Variants in PALLD observed in about 807,000 individuals in gnomAD.
The protein encoded by PALLD is palladin, cytoskeletal associated protein.
PALLD carries 61 observed loss-of-function variants against 123.5 expected under a neutral mutation model. That is an observed-to-expected ratio of 0.49 (90% CI 0.40 to 0.61). The LOEUF (loss-of-function observed/expected upper bound fraction) is 0.61. Ranked by LOEUF, PALLD falls within the 20% of genes least tolerant of loss-of-function variation. The probability of loss-of-function intolerance (pLI) is 0.00; values close to 1 mark genes in which losing one functional copy is unlikely to be tolerated. For synonymous variants in PALLD, 465 were observed against 496.4 expected (o/e 0.94, Z 0.84); for missense variants, 1,273 against 1,377.0 (o/e 0.92, Z 1.20).
intron 10 of PALLD, among the ~76,000 whole-genome samples, chr4:168,715,916 C>CA (rs1554070329): frequency 5.3e-5 from 8 of 151,816 alleles, no homozygotes; most frequent in African/African-American, 1.9e-4. Flanking sequence ...CGCCACTGCC[C>CA]TCCACCCTGG....
chr4:168,720,373 T>C (rs1269108922), intron 10 of PALLD, among the ~76,000 whole-genome samples: 1 of 152,240 alleles, frequency 6.6e-6, no homozygotes, highest in Non-Finnish European at 1.5e-5. Context: ...TCTGGTTAAG[T>C]GATTTTCATT....
intron 2 of PALLD, among the ~76,000 whole-genome samples, chr4:168,545,174 A>G (rs537778390): frequency 2.6e-5 from 4 of 152,266 alleles, no homozygotes; most frequent in Admixed American, 6.5e-5. Context: ...CTTACTTAGT[A>G]TCTCTCTAAA....
rs368056503 is a variant in PALLD at position 168,863,914 on chromosome 4, T to C, written c.1965-27008T>C. The C allele has an allele frequency of 2.6e-5, 4 of 152,334 alleles. No individual in the cohort carries two copies. In the East Asian group the frequency reaches 5.8e-4, roughly 22 times the overall value. The allele number at this position is 152,334 out of a possible 1,614,324, so 9.4% of individuals were successfully genotyped here. On this transcript the variant is annotated intron_variant, in intron 10 of 21. Coordinates refer to ENST00000505667, the MANE Select transcript of PALLD (RefSeq NM_001166108.2). ...TTTCCTGGTATGAACTCCTTGTGCT[T>C]CTGAGATTAGAGATACGCTTTTCTT...
chr4:168,538,368 T>A (rs1264847976), intron 2 of PALLD, among the ~76,000 whole-genome samples: 1 of 152,036 alleles, frequency 6.6e-6, no homozygotes, highest in Non-Finnish European at 1.5e-5. Context: ...ATTGAAAGAT[T>A]TAACCGAATG....
chr4:168,656,622 C>T (rs1217634242), intron 2 of PALLD, among the ~76,000 whole-genome samples: 1 of 152,094 alleles, frequency 6.6e-6, no homozygotes, highest in Admixed American at 6.5e-5. Context: ...ATTATTTATT[C>T]CTATAATTAT....
At chr4:168,684,330 C>T (rs2723714) in intron 5 of PALLD, among the ~76,000 whole-genome samples, 1,618 of 152,184 alleles carry the variant, frequency 0.011, 11 homozygotes, top group Non-Finnish European at 0.016. Context: ...TAATTTACCC[C>T]ATGTTTATAG....
intron 8 of PALLD, among the ~76,000 whole-genome samples, chr4:168,707,988 G>A (rs1041236919): frequency 6.6e-6 from 1 of 152,184 alleles, no homozygotes; most frequent in Non-Finnish European, 1.5e-5. Context: ...GCCAGGCAAT[G>A]TCCTAAGCAC....
At chr4:168,763,932 T>C (rs142428865) in intron 10 of PALLD, among the ~76,000 whole-genome samples, 2 of 152,334 alleles carry the variant, frequency 1.3e-5, no homozygotes, top group East Asian at 3.9e-4. Context: ...CATGTTCTTC[T>C]AGGTCAAATA....
intron 2 of PALLD, among the ~76,000 whole-genome samples, chr4:168,569,247 A>G (rs1768727531): frequency 6.6e-6 from 1 of 152,124 alleles, no homozygotes; most frequent in South Asian, 2.1e-4. Flanking sequence ...CTACATAGCA[A>G]CTGGAGCAAA....
intron 2 of PALLD, among the ~76,000 whole-genome samples, chr4:168,558,112 A>G (rs1049120069): frequency 6.6e-6 from 1 of 152,080 alleles, no homozygotes; most frequent in African/African-American, 2.4e-5. Flanking sequence ...TCAGTTCCTC[A>G]TCTTCAGCCT....
At chr4:168,559,896 AAG>A (rs933739799) in intron 2 of PALLD, among the ~76,000 whole-genome samples, 2 of 152,078 alleles carry the variant, frequency 1.3e-5, no homozygotes, top group African/African-American at 4.8e-5. Flanking sequence ...AAAAGAAAGA[AAG>A]AGAGAGAGAA....
At chr4:168,847,593 T>C (rs1747060323) in intron 10 of PALLD, among the ~76,000 whole-genome samples, 1 of 152,220 alleles carries the variant, frequency 6.6e-6, no homozygotes, top group Non-Finnish European at 1.5e-5. Context: ...TGGAGTGGAA[T>C]TGTATGAGGA....
intron 2 of PALLD, among the ~76,000 whole-genome samples, chr4:168,565,217 A>T (rs1323401482): frequency 1.3e-5 from 2 of 151,990 alleles, no homozygotes; most frequent in East Asian, 1.9e-4. Flanking sequence ...TTTTCTGACC[A>T]ATGCCACCAA....
At chr4:168,695,830 A>T (rs1447321057) in intron 8 of PALLD, among the ~76,000 whole-genome samples, 1 of 152,218 alleles carries the variant, frequency 6.6e-6, no homozygotes, top group Admixed American at 6.5e-5. Context: ...AAATAACTAC[A>T]TAACAAACAT....
chr4:168,837,715 A>G (rs1373493587), intron 10 of PALLD, among the ~76,000 whole-genome samples: 1 of 152,214 alleles, frequency 6.6e-6, no homozygotes, highest in African/African-American at 2.4e-5. Context: ...ATTTGTCAAG[A>G]TCACACAGAT....
chr4:168,581,929 T>C (rs1770325799), intron 2 of PALLD, among the ~76,000 whole-genome samples: 1 of 152,254 alleles, frequency 6.6e-6, no homozygotes, highest in African/African-American at 2.4e-5. Flanking sequence ...TAGTTGACCT[T>C]GTATGTGGAG....
intron 2 of PALLD, among the ~76,000 whole-genome samples, chr4:168,522,523 C>T (rs1477370389): frequency 6.6e-6 from 1 of 152,184 alleles, no homozygotes; most frequent in Non-Finnish European, 1.5e-5. Context: ...AAGTACTTTT[C>T]AACATGTTTC....
At chr4:168,683,469 G>C (rs1781746086) in intron 5 of PALLD, among the ~76,000 whole-genome samples, 1 of 152,080 alleles carries the variant, frequency 6.6e-6, no homozygotes, top group Non-Finnish European at 1.5e-5. Context: ...TAAAAGACAA[G>C]TCTGCATACC....
chr4:168,706,812 A>AC (rs1784274745), intron 8 of PALLD, among the ~76,000 whole-genome samples: 2 of 152,226 alleles, frequency 1.3e-5, no homozygotes, highest in Non-Finnish European at 2.9e-5. Flanking sequence ...ATAGTTTGAT[A>AC]ATACTTGGAC....
Sources: allele counts gnomAD v4.1 joint callset (sites outside exome capture counted in the v4.1 genomes callset), GRCh38; gene constraint gnomAD v4.1.1; transcripts MANE v1.5; gene names NCBI Gene and HGNC (gene_info 2026-07-23, HGNC 2026-07-21).